FAM83G: variants seen among roughly 807,000 people sequenced by gnomAD.
The protein encoded by FAM83G is protein FAM83G.
A neutral mutation model predicts 61.5 loss-of-function variants in FAM83G; 38 were observed. The ratio of observed to expected loss-of-function variants is 0.62; its 90% confidence interval spans 0.48 to 0.81. FAM83G has a LOEUF of 0.81. FAM83G is among the 30% of genes least tolerant of loss of function. The pLI is 0.00. For missense variants in FAM83G, 989 were observed against 1,133.6 expected, an observed-to-expected ratio of 0.87 and a Z score of 1.83; for synonymous variants, 470 against 476.1, an observed-to-expected ratio of 0.99 and a Z score of 0.17.
Position 19,004,110 on chromosome 17 carries a change from CT to C in FAM83G, c.-70del. 1 of 1,477,318 alleles carries C rather than the reference CT, an allele frequency of 6.8e-7. No homozygotes were observed. Among genetic ancestry groups the C allele is most frequent in the South Asian group, 1.4e-5 (1 of 74,000 alleles). 91.5% of individuals were successfully genotyped at this position (1,477,318 alleles called of 1,614,324 possible). On this transcript the variant is annotated 5_prime_UTR_variant, in exon 2 of 6. Coordinates refer to ENST00000388995, the MANE Select transcript of FAM83G (RefSeq NM_001039999.3). The surrounding 1 kb of genome is among the most constrained non-coding windows in gnomAD (Gnocchi z 5.4). ...GGTCCAGCTCCTAGCTCCGGCCCAG[CT>C]GGGGCACCGCGCGCTCGGGGGCCTC...
At chr17:18,985,900 C>G (rs963269562) in intron 3 of FAM83G, among the ~76,000 whole-genome samples, 3 of 152,248 alleles carry the variant, frequency 2.0e-5, no homozygotes, top group African/African-American at 7.2e-5. Flanking sequence ...GCCCCTACCC[C>G]AGCCCAGGGC....
Position 18,971,517 on chromosome 17 carries a change from C to G in FAM83G, c.2314G>C (p.Asp772His). ...RLAQNARPMT[D>H]GRATEEHPSP... is the part of the protein sequence containing the mutation. ...GGATGCTCCTCGGTGGCCCTGCCAT[C>G]GGTCATGGGGCGGGCATTTTGGGCC... The change falls in exon 6 of 6, where the codon GAT (aspartate) becomes CAT (histidine). Residue 772 changes from aspartate to histidine, a missense_variant. By Grantham distance (81) the Asp-to-His change is moderately conservative (BLOSUM62 -1). Coordinates refer to ENST00000388995, the MANE Select transcript of FAM83G (RefSeq NM_001039999.3). The surrounding 1 kb of genome is among the most constrained non-coding windows in gnomAD (Gnocchi z 5.5). 6.2e-7 allele frequency: 1 copy of G among 1,613,990 alleles called. No individual in the cohort carries two copies. Among genetic ancestry groups the G allele is most frequent in the Non-Finnish European group, 8.5e-7 (1 of 1,180,012 alleles).
chr17:18,992,373 CAGG>C (rs2043449300), intron 2 of FAM83G, among the ~76,000 whole-genome samples: 2 of 152,116 alleles, frequency 1.3e-5, no homozygotes, highest in South Asian at 4.1e-4. Context: ...AGTGCCCTGC[CAGG>C]AGCACCTCCA....
Position 19,003,775 on chromosome 17 carries a change from CCCCTGAGAGGGG to C in FAM83G, c.255_266del (p.Ser87_Pro90del), listed in dbSNP as rs1214473461. On this transcript the variant is annotated inframe_deletion, in exon 2 of 6. Transcript: ENST00000388995. This position sits in a 1 kb window ranked among gnomAD's most constrained non-coding sequence, Gnocchi z 4.5. ...CGTCGCCGACCCCATTGTCCTCGGG[CCCCTGAGAGGGG>C]CCCGTGCCCCGAGGGTCCTCAGAGC... 1 of 1,610,490 alleles carries C rather than the reference CCCCTGAGAGGGG, an allele frequency of 6.2e-7. No homozygotes were observed. Among genetic ancestry groups the C allele is most frequent in the Non-Finnish European group, 8.5e-7 (1 of 1,178,898 alleles).
intron 4 of FAM83G, 58 bp from the exon 5 acceptor site, chr17:18,978,908 C>G (rs1245316134): frequency 2.2e-5 from 35 of 1,578,376 alleles, no homozygotes; most frequent in Non-Finnish European, 3.0e-5. Context: ...TCCGCCCAGC[C>G]CCCGTGCACC....
In FAM83G at chr17:18,969,011, C is replaced by G; in HGVS notation, c.*2348G>C. On this transcript the variant is annotated 3_prime_UTR_variant, in exon 6 of 6. Transcript: ENST00000388995. ...ACCCAGGGAGTGGCTTGCTGGAGCCCTGGGAATAACAGTCCCACACAAGGC... is the reference window on the plus strand; with the variant it reads ...ACCCAGGGAGTGGCTTGCTGGAGCCGTGGGAATAACAGTCCCACACAAGGC... 1.0e-5 allele frequency: 16 copies of G among 1,576,680 alleles called. No homozygotes were observed. Among genetic ancestry groups the G allele is most frequent in the Non-Finnish European group, 1.4e-5 (16 of 1,160,716 alleles).
Position 19,003,743 on chromosome 17 carries a change from TCCTCGC to T in FAM83G, c.293_298del (p.Gly98_Glu99del). The T allele has an allele frequency of 6.2e-7, 1 of 1,605,164 alleles. No homozygotes were observed. Among genetic ancestry groups the T allele is most frequent in the Non-Finnish European group, 8.5e-7 (1 of 1,175,818 alleles). ...GGGGACCCCATCCGCCCCGCTGGCTTCCTCGCCGTCGCCGACCCCATTGTCCTCGGG... is the reference window on the plus strand; with the variant it reads ...GGGGACCCCATCCGCCCCGCTGGCTTCGTCGCCGACCCCATTGTCCTCGGG... On this transcript the variant is annotated inframe_deletion, in exon 2 of 6. Coordinates refer to ENST00000388995, the MANE Select transcript of FAM83G (RefSeq NM_001039999.3). The surrounding 1 kb of genome is among the most constrained non-coding windows in gnomAD (Gnocchi z 4.5).
At position 18,977,708 on chromosome 17, in the gene FAM83G, T is replaced by TG. The variant is rs768167872; in HGVS notation, c.1957dup (p.His653ProfsTer57). 1.2e-6 allele frequency: 2 copies of TG among 1,610,034 alleles called. No homozygotes were observed. Among genetic ancestry groups the TG allele is most frequent in the Admixed American group, 3.4e-5 (2 of 59,662 alleles). ...TCCAACAAAGGTCCCTCGGGTTATATGGGGGGCACTCAGCTGCCGGCGCGG... is the reference window on the plus strand; with the variant it reads ...TCCAACAAAGGTCCCTCGGGTTATATGGGGGGGCACTCAGCTGCCGGCGCGG... On this transcript the variant is annotated frameshift_variant, in exon 5 of 6. Coordinates refer to ENST00000388995, the MANE Select transcript of FAM83G (RefSeq NM_001039999.3). LOFTEE classifies it high-confidence loss of function.
Position 18,977,810 on chromosome 17 carries a change from T to C in FAM83G, c.1856A>G (p.Tyr619Cys). Residue 619 changes from tyrosine (Y) to cysteine (C), a missense_variant, in exon 5 of 6, where the codon TAC becomes TGC. Coordinates refer to ENST00000388995, the MANE Select transcript of FAM83G (RefSeq NM_001039999.3). ...GACTGAGTGCTCTCTCACCTCGAAG[T>C]ACTCCTCTGACACAGAGGAAGCCAC... ...PSVASSVSEE[Y>C]FEVREHSVPL... 6.2e-7 allele frequency: 1 copy of C among 1,606,240 alleles called. No individual in the cohort carries two copies. Among genetic ancestry groups the C allele is most frequent in the African/African-American group, 1.3e-5 (1 of 74,924 alleles).
intron 2 of FAM83G, among the ~76,000 whole-genome samples, chr17:18,993,690 G>A (rs2043489443): frequency 6.6e-6 from 1 of 152,198 alleles, no homozygotes; most frequent in Non-Finnish European, 1.5e-5. Flanking sequence ...CACCTGAGAA[G>A]TGCCGGGGGT....
Position 18,969,061 on chromosome 17 carries a change from T to A in FAM83G, c.*2298A>T. 6.2e-7 allele frequency: 1 copy of A among 1,613,654 alleles called. No individual in the cohort carries two copies. Among genetic ancestry groups the A allele is most frequent in the Non-Finnish European group, 8.5e-7 (1 of 1,179,800 alleles). ...CTCTCTCCCTCCGCAGCTGGACCTG[T>A]ACGCGGGGGCTCTGTTTGTGCACAT... is the stretch of plus-strand genomic sequence containing the variant. On this transcript the variant is annotated 3_prime_UTR_variant, in exon 6 of 6. Transcript: ENST00000388995.
Position 18,978,838 on chromosome 17 carries a change from C to T in FAM83G, c.828G>A (p.Ser276=), listed in dbSNP as rs375158235. 26 of 1,611,674 alleles carry T rather than the reference C, an allele frequency of 1.6e-5. No individual in the cohort carries two copies. Among genetic ancestry groups the T allele is most frequent in the South Asian group, 5.5e-5 (5 of 91,080 alleles). Residue 276 remains serine (S), a synonymous_variant, in exon 5 of 6, where the codon TCG becomes TCA. Coordinates refer to ENST00000388995, the MANE Select transcript of FAM83G (RefSeq NM_001039999.3). ...TCACATTCCGGTCCGTCCGCGCGGC[C>T]GACCACGTGAAGCTGCAACAGAGGG... ...AVCGSYSFTW[S]AARTDRNVIS...
chr17:18,985,783 G>A (rs548967082), intron 3 of FAM83G, among the ~76,000 whole-genome samples: 12 of 152,320 alleles, frequency 7.9e-5, no homozygotes, highest in South Asian at 6.2e-4. Flanking sequence ...GAAGCGAGGC[G>A]GCTGAGCAGG....
rs1327764400 is a variant in FAM83G, at chr17:18,971,607, G to T, written c.2224C>A (p.His742Asn). The T allele has an allele frequency of 2.5e-6, 4 of 1,613,576 alleles. No homozygotes were observed. The highest frequency in any genetic ancestry group is 1.7e-6 in the Non-Finnish European group (2 of 1,179,986). ...TGACCTCCCTTGGCCTGCCAGTGGTGGGGGCCAGCCATGGCTGGGCCAGCG... is the reference window on the plus strand; with the variant it reads ...TGACCTCCCTTGGCCTGCCAGTGGTTGGGGCCAGCCATGGCTGGGCCAGCG... ...RNAGPAMAGP[H>N]HWQAKGGQVP... Residue 742 changes from histidine (H) to asparagine (N), a missense_variant, in exon 6 of 6, where the codon CAC (histidine) becomes AAC (asparagine). Around this residue, in one of 3 missense-constraint regions of FAM83G, gnomAD observed 574 missense variants for 645.1 expected, o/e 0.89. Coordinates refer to ENST00000388995, the MANE Select transcript of FAM83G (RefSeq NM_001039999.3). The surrounding 1 kb of genome is among the most constrained non-coding windows in gnomAD (Gnocchi z 5.5).
chr17:19,003,584 G>T lies in FAM83G; in HGVS notation c.458C>A (p.Pro153His), dbSNP rs1175529467. 6.2e-7 allele frequency: 1 copy of T among 1,600,880 alleles called. No individual in the cohort carries two copies. The highest frequency in any genetic ancestry group is 1.1e-5 in the South Asian group (1 of 89,402). ...GVTRASVYMQ[P>H]PIDGQAHIKE... ...GATGTGGGCCTGCCCGTCTATGGGG[G>T]GCTGCATGTAGACGCTAGCCCGGGT... Residue 153 changes from proline to histidine, a missense_variant, in exon 2 of 6, where the codon CCC becomes CAC. Around this residue, in one of 3 missense-constraint regions of FAM83G, gnomAD observed 371 missense variants for 404.5 expected, o/e 0.92. Transcript: ENST00000388995. This position sits in a 1 kb window ranked among gnomAD's most constrained non-coding sequence, Gnocchi z 4.5.
In FAM83G at chr17:19,003,509, C is replaced by G; in HGVS notation, c.522+11G>C. 6.6e-7 allele frequency: 1 copy of G among 1,520,706 alleles called. No homozygotes were observed. The highest frequency in any genetic ancestry group is 8.8e-7 in the Non-Finnish European group (1 of 1,133,308). The allele number at this position is 1,520,706 out of a possible 1,614,324, so 94.2% of individuals were successfully genotyped here. A position where few individuals can be genotyped will look rare whatever the true frequency, so the allele number is the denominator to read the frequency against. On this transcript the variant is annotated intron_variant, in intron 2 of 5. Transcript: ENST00000388995. The surrounding 1 kb of genome is among the most constrained non-coding windows in gnomAD (Gnocchi z 4.5). ...TGGGCCATGGCTCCAGGAGTCCCCG[C>G]GCTGCCTCACCTTCTGTGCCTGGCT...
chr17:18,999,472 C>T (rs377383667), intron 2 of FAM83G, among the ~76,000 whole-genome samples: 2 of 152,068 alleles, frequency 1.3e-5, no homozygotes, highest in East Asian at 3.9e-4. Flanking sequence ...GTTCTGTGAC[C>T]TCAGGCCAGT....
chr17:18,994,926 ATTTGCAAC>A (rs2043525352), intron 2 of FAM83G, among the ~76,000 whole-genome samples: 1 of 152,214 alleles, frequency 6.6e-6, no homozygotes, highest in African/African-American at 2.4e-5. Flanking sequence ...GGGGTCCATA[ATTTGCAAC>A]TCCTACCCTG....
chr17:19,004,289 T>C lies in FAM83G; in HGVS notation c.-128-120A>G. On this transcript the variant is annotated intron_variant, in intron 1 of 5. Coordinates refer to ENST00000388995, the MANE Select transcript of FAM83G (RefSeq NM_001039999.3). The surrounding 1 kb of genome is among the most constrained non-coding windows in gnomAD (Gnocchi z 5.4). ...GGAAGGACGGGGCTGGGGCTGGGGC[T>C]GGGAAGATGAGGTGGGGGCACTGGA... 2.2e-6 allele frequency: 1 copy of C among 453,976 alleles called. No homozygotes were observed. The highest frequency in any genetic ancestry group is 3.9e-6 in the Non-Finnish European group (1 of 258,872). The allele number at this position is 453,976 out of a possible 1,614,324, so 28.1% of individuals were successfully genotyped here.
Sources: gnomAD v4.1 joint callset for allele counts (sites outside exome capture counted in the v4.1 genomes callset) on GRCh38, gnomAD v4.1.1 for gene constraint, gnomAD v4.1.1 regional missense constraint, Gnocchi (gnomAD v3.1) non-coding constraint, MANE v1.5 for transcripts, NCBI Gene and HGNC (gene_info 2026-07-23, HGNC 2026-07-21) for gene names.